The following MARVELD3 variants were observed in gnomAD, a reference collection of about 807,000 sequenced individuals.
MARVELD3 encodes MARVEL domain containing 3.
Under a neutral mutation model 33.5 loss-of-function variants are expected in MARVELD3, and 28 were observed. That is an observed-to-expected ratio of 0.84 (90% CI 0.62 to 1.15). The LOEUF is 1.15. Ranked by LOEUF, MARVELD3 falls within the 50% of genes most tolerant of loss-of-function variation. The pLI is 0.00. For missense variants in MARVELD3, 582 were observed against 547.6 expected, an observed-to-expected ratio of 1.06 and a Z score of -0.63; for synonymous variants, 241 against 230.4, an observed-to-expected ratio of 1.05 and a Z score of -0.42.
chr16:71,638,851 CAG>C (rs2044598177), downstream of MARVELD3: 3 of 152,094 alleles, frequency 2.0e-5, no homozygotes, highest in African/African-American at 7.2e-5. Context: ...TTTGTGTGAG[CAG>C]CACCATGATG....
At chr16:71,641,091 T>C, downstream of MARVELD3, 1 of 1,526,396 alleles carries the variant, frequency 6.6e-7, no homozygotes, top group East Asian at 2.3e-5. Flanking sequence ...CTTTTAAAAC[T>C]CCGCATTAGA....
At chr16:71,640,502 T>A (rs72799852), downstream of MARVELD3, 24,706 of 1,614,094 alleles carry the variant, frequency 0.015, 249 homozygotes, top group Non-Finnish European at 0.019. Flanking sequence ...GCGGTGGCTT[T>A]GGGAACAACT....
intron 2 of MARVELD3, among the ~76,000 whole-genome samples, chr16:71,630,549 G>A (rs1478838351): frequency 2.6e-5 from 4 of 151,544 alleles, no homozygotes; most frequent in Admixed American, 6.6e-5. Flanking sequence ...GCTTGAACCC[G>A]GGAGGCGGAG....
chr16:71,626,311 G>A lies in MARVELD3; in HGVS notation c.82G>A (p.Gly28Ser), dbSNP rs1011064049. The change falls in exon 1 of 3, where the codon GGC (glycine) becomes AGC (serine). Residue 28 changes from glycine to serine, a missense_variant. By Grantham distance (56) the Gly-to-Ser change is moderately conservative. Coordinates refer to ENST00000268485, the MANE Select transcript of MARVELD3 (RefSeq NM_052858.6). The surrounding 1 kb of genome is among the most constrained non-coding windows in gnomAD (Gnocchi z 5.3). ...DPGRRPHPDQGRTHDRPRDRP... is the reference protein window; with the variant it reads ...DPGRRPHPDQSRTHDRPRDRP... ...GGGACGGCGCCCCCACCCAGACCAA[G>A]GCCGCACCCACGATCGACCGCGGGA... The A allele has an allele frequency of 2.1e-5, 32 of 1,548,348 alleles. No individual in the cohort carries two copies. In the African/African-American group the frequency reaches 4.0e-4, roughly 19 times the overall value.
Position 71,626,910 on chromosome 16 carries a change from A to G in MARVELD3, c.467+214A>G. 2.1e-6 allele frequency: 1 copy of G among 468,324 alleles called. No individual in the cohort carries two copies. The highest frequency in any genetic ancestry group is 3.7e-6 in the Non-Finnish European group (1 of 273,308). The allele number at this position is 468,324 out of a possible 1,614,324, so 29.0% of individuals were successfully genotyped here. On this transcript the variant is annotated intron_variant, in intron 1 of 2. Transcript: ENST00000268485. This position sits in a 1 kb window ranked among gnomAD's most constrained non-coding sequence, Gnocchi z 5.3. ...TGGCCTGAACCCAACTAACAAAGCA[A>G]AAACCACCCCTGTGAGCAGTGGCTG...
rs368906441 is a variant in MARVELD3, at chr16:71,634,648, G to A, written c.1051G>A (p.Gly351Ser). The A allele has an allele frequency of 5.6e-6, 9 of 1,614,204 alleles. No homozygotes were observed. The East Asian group carries it at 6.7e-5, about 12-fold the overall frequency. ...GCTGTACCAAAGCAAAGGCTACAGC[G>A]GTTTCGGCTGCAGTTTCCACGGAGC... ...QALYQSKGYS[G>S]FGCSFHGADI... Residue 351 changes from glycine to serine, a missense_variant, in exon 3 of 3, where the codon GGT becomes AGT. Physicochemically the swap from Gly to Ser is moderately conservative, Grantham distance 56 (BLOSUM62 0). Transcript: ENST00000268485.
chr16:71,629,653 A>C, intron 2 of MARVELD3, 159 bp downstream of exon 2: 1 of 657,314 alleles, frequency 1.5e-6, no homozygotes, highest in Non-Finnish European at 2.3e-6. Flanking sequence ...AAAAAAAAAA[A>C]AAAAAAAAAA....
rs767196946 is a variant in MARVELD3 at position 71,626,412 on chromosome 16, A to C, written c.183A>C (p.Arg61Ser). The C allele has an allele frequency of 7.8e-5, 120 of 1,546,290 alleles. No individual in the cohort carries two copies. The highest frequency in any genetic ancestry group is 9.9e-5 in the Non-Finnish European group (113 of 1,145,000). The stretch of plus-strand genomic sequence containing the variant: ...GGGACGGGGACCGGGACCCGGAGAG[A>C]GACCAGGAGAGGGACGGGAACCGCG... The part of the protein sequence containing the change: ...RRRDGDRDPE[R>S]DQERDGNRDR... The change falls in exon 1 of 3, where the codon AGA becomes AGC. Residue 61 changes from arginine (R) to serine (S), a missense_variant. Transcript: ENST00000268485. This position sits in a 1 kb window ranked among gnomAD's most constrained non-coding sequence, Gnocchi z 5.3.
intron 1 of MARVELD3, among the ~76,000 whole-genome samples, chr16:71,627,115 C>T (rs1436344994): frequency 1.3e-5 from 2 of 152,222 alleles, no homozygotes; most frequent in African/African-American, 4.8e-5. Context: ...TTCCCGACTC[C>T]AAAGTCCCCT....
Position 71,634,196 on chromosome 16 carries a change from G to T in MARVELD3, c.599G>T (p.Cys200Phe). The change falls in exon 3 of 3, where the codon TGC becomes TTC. Residue 200 changes from cysteine to phenylalanine, a missense_variant. Cys to Phe is a radical substitution (Grantham distance 205). Transcript: ENST00000268485. Reference protein sequence around the residue: ...KCKYLCTGRACCQMLEVLLNL... With the variant: ...KCKYLCTGRAFCQMLEVLLNL... Reference sequence around the variant, plus strand: ...TGGTAACACCCTTTTTTTGCAGCCTGCTGCCAAATGCTGGAGGTTCTCCTG... The same window carrying T: ...TGGTAACACCCTTTTTTTGCAGCCTTCTGCCAAATGCTGGAGGTTCTCCTG... 2 of 1,585,438 alleles carry T rather than the reference G, an allele frequency of 1.3e-6. No individual in the cohort carries two copies. Among genetic ancestry groups the T allele is most frequent in the African/African-American group, 2.7e-5 (2 of 73,276 alleles).
chr16:71,626,388 G>T lies in MARVELD3; in HGVS notation c.159G>T (p.Arg53Ser). The change falls in exon 1 of 3, where the codon AGG (arginine) becomes AGT (serine). Residue 53 changes from arginine (R) to serine (S), a missense_variant. Physicochemically the swap from Arg to Ser is moderately radical, Grantham distance 110. Coordinates refer to ENST00000268485, the MANE Select transcript of MARVELD3 (RefSeq NM_052858.6). The surrounding 1 kb of genome is among the most constrained non-coding windows in gnomAD (Gnocchi z 5.3). Reference sequence around the variant, plus strand: ...GAAGCAGCGACGGGAACCGGCGAAGGGACGGGGACCGGGACCCGGAGAGAG... The same window carrying T: ...GAAGCAGCGACGGGAACCGGCGAAGTGACGGGGACCGGGACCCGGAGAGAG... ...RKRSSDGNRRRDGDRDPERDQ... is the reference protein window; with the variant it reads ...RKRSSDGNRRSDGDRDPERDQ... The T allele has an allele frequency of 6.5e-7, 1 of 1,546,450 alleles. No individual in the cohort carries two copies. The highest frequency in any genetic ancestry group is 8.7e-7 in the Non-Finnish European group (1 of 1,145,176).
chr16:71,634,319 G>C lies in MARVELD3; in HGVS notation c.722G>C (p.Gly241Ala). Reference protein sequence around the residue: ...SLGGIYYYQFGGAYSGFDGAD... With the variant: ...SLGGIYYYQFAGAYSGFDGAD... Reference sequence around the variant, plus strand: ...GGGGGCATTTACTACTATCAGTTCGGAGGGGCTTACAGTGGCTTTGATGGT... The same window carrying C: ...GGGGGCATTTACTACTATCAGTTCGCAGGGGCTTACAGTGGCTTTGATGGT... Residue 241 changes from glycine (G) to alanine (A), a missense_variant, in exon 3 of 3, where the codon GGA (glycine) becomes GCA (alanine). Gly to Ala is a moderately conservative substitution (Grantham distance 60). Transcript: ENST00000268485. 6.2e-7 allele frequency: 1 copy of C among 1,614,196 alleles called. No homozygotes were observed.
chr16:71,635,310 C>CA lies in MARVELD3; in HGVS notation c.*508dup, dbSNP rs2145282961. The CA allele has an allele frequency of 1.0e-6, 1 of 977,380 alleles. No homozygotes were observed. Among genetic ancestry groups the CA allele is most frequent in the African/African-American group, 1.8e-5 (1 of 55,580 alleles). The allele number at this position is 977,380 out of a possible 1,614,324, so 60.5% of individuals were successfully genotyped here. On this transcript the variant is annotated 3_prime_UTR_variant, in exon 3 of 3. Transcript: ENST00000268485. Reference sequence around the variant, plus strand: ...CGCCACTGCACTCCAGCCCAGGTGACAGAGCGAGACTCCATCTCAAAAAAA... The same window carrying CA: ...CGCCACTGCACTCCAGCCCAGGTGACAAGAGCGAGACTCCATCTCAAAAAAA...
intron 1 of MARVELD3, 31 bp from the exon 2 acceptor site, chr16:71,629,336 C>G: frequency 6.6e-7 from 1 of 1,517,984 alleles, no homozygotes; most frequent in Non-Finnish European, 8.7e-7. Context: ...TGAGACACCC[C>G]CTAATGACCA....
intron 1 of MARVELD3, among the ~76,000 whole-genome samples, chr16:71,628,131 G>A (rs946173662): frequency 1.1e-4 from 16 of 152,218 alleles, no homozygotes; most frequent in Admixed American, 8.5e-4. Flanking sequence ...CCCAGATACA[G>A]TCAAAGCTTC....
downstream of MARVELD3, chr16:71,641,000 G>A (rs757563926): frequency 1.5e-5 from 24 of 1,609,498 alleles, no homozygotes; most frequent in Admixed American, 6.7e-5. Context: ...GTGATGCACC[G>A]GAATATCTGT....
downstream of MARVELD3, chr16:71,640,356 G>A (rs935584644): frequency 1.2e-6 from 2 of 1,603,060 alleles, no homozygotes; most frequent in Non-Finnish European, 1.7e-6. Context: ...GGTGAGTAAT[G>A]TCAGTGTTAA....
At chr16:71,640,551 C>G (rs140602857), downstream of MARVELD3, 35 of 1,614,168 alleles carry the variant, frequency 2.2e-5, no homozygotes, top group Non-Finnish European at 2.8e-5. Flanking sequence ...AGAGCAGGTT[C>G]GGCAGCTGGA....
chr16:71,631,785 C>G (rs1381791463), intron 2 of MARVELD3, among the ~76,000 whole-genome samples: 1 of 152,052 alleles, frequency 6.6e-6, no homozygotes, highest in Admixed American at 6.6e-5. Flanking sequence ...GAGTGAGACC[C>G]TGTCTGTAAA....
Sources: allele counts gnomAD v4.1 joint callset (sites outside exome capture counted in the v4.1 genomes callset), GRCh38; gene constraint gnomAD v4.1.1; non-coding constraint Gnocchi (gnomAD v3.1); transcripts MANE v1.5; gene names NCBI Gene and HGNC (gene_info 2026-07-23, HGNC 2026-07-21).